LMBR1: variants seen among roughly 807,000 people sequenced by gnomAD.
The protein encoded by LMBR1 is limb region 1 protein homolog.
Under a neutral mutation model 73.9 loss-of-function variants are expected in LMBR1, and 52 were observed. The ratio of observed to expected loss-of-function variants is 0.70; its 90% CI spans 0.56 to 0.89. LMBR1 has a LOEUF of 0.89. LMBR1 is among the 40% of genes least tolerant of loss of function. The pLI is 0.00. For missense variants in LMBR1, 539 were observed against 579.8 expected (o/e 0.93, Z 0.72); for synonymous variants, 215 against 209.4 (o/e 1.03, Z -0.23).
intron 4 of LMBR1, among the ~76,000 whole-genome samples, chr7:156,798,883 T>TA (rs906863270): frequency 1.3e-5 from 2 of 151,928 alleles, no homozygotes; most frequent in Admixed American, 1.3e-4. Flanking sequence ...ATAGTCTTTT[T>TA]AAAAAAACAT....
chr7:156,848,120 T>C (rs367955937), intron 1 of LMBR1, among the ~76,000 whole-genome samples: 21 of 149,342 alleles, frequency 1.4e-4, no homozygotes, highest in East Asian at 5.8e-4. Flanking sequence ...CCTAAAACTA[T>C]AGAACTCTGG....
At chr7:156,826,524 T>A in intron 4 of LMBR1, 81 bp downstream of exon 4, 1 of 1,018,814 alleles carries the variant, frequency 9.8e-7, no homozygotes, top group Non-Finnish European at 1.3e-6. Context: ...TGAAGAAAAC[T>A]GAGAAAAGAA....
At chr7:156,709,881 G>T (rs1179835725) in intron 15 of LMBR1, among the ~76,000 whole-genome samples, 1 of 143,074 alleles carries the variant, frequency 7.0e-6, no homozygotes, top group Non-Finnish European at 1.5e-5. Flanking sequence ...GCCAGTTAAA[G>T]AATTCAGAAG....
intron 13 of LMBR1, 83 bp from the exon 14 acceptor site, chr7:156,725,608 A>G (rs1278460478): frequency 1.4e-5 from 17 of 1,242,468 alleles, no homozygotes; most frequent in Middle Eastern, 1.9e-4. Flanking sequence ...CTTAAGGCCC[A>G]TAGGAAAAGC....
intron 9 of LMBR1, among the ~76,000 whole-genome samples, chr7:156,755,267 A>G (rs1821649584): frequency 6.6e-6 from 1 of 152,262 alleles, no homozygotes; most frequent in African/African-American, 2.4e-5. Context: ...GAGGAGCCAA[A>G]GGATTTATAA....
At position 156,670,794 on chromosome 7, in the gene LMBR1, A is replaced by G. The variant is rs1802315773; in HGVS notation, n.867-1507T>C. On this transcript the variant is annotated intron_variant and non_coding_transcript_variant, in intron 4 of 4. Transcript: ENST00000430825. This position sits in a 1 kb window ranked among gnomAD's most constrained non-coding sequence, Gnocchi z 4.3. Reference sequence around the variant, plus strand: ...CGAGAGGCAAAAGAAAAGCCAGACAAAAAGTGTGCCACTAGAACGTCTTCG... The same window carrying G: ...CGAGAGGCAAAAGAAAAGCCAGACAGAAAGTGTGCCACTAGAACGTCTTCG... Among the ~76,000 whole-genome samples, 2 of 152,244 alleles carry G rather than the reference A, an allele frequency of 1.3e-5. No individual in the cohort carries two copies. Among genetic ancestry groups the G allele is most frequent in the Admixed American group, 1.3e-4 (2 of 15,290 alleles).
At chr7:156,734,062 G>T in intron 10 of LMBR1, 115 bp downstream of exon 10, 1 of 580,686 alleles carries the variant, frequency 1.7e-6, no homozygotes, top group Non-Finnish European at 3.0e-6. Context: ...ATTTTGGGCA[G>T]GTCAAAAGTT....
At chr7:156,696,099 A>T (rs1279053721) in intron 15 of LMBR1, among the ~76,000 whole-genome samples, 1 of 152,244 alleles carries the variant, frequency 6.6e-6, no homozygotes, top group African/African-American at 2.4e-5. Context: ...AACTAAATGT[A>T]TAAAACTTCT....
At chr7:156,709,993 C>G (rs189984912) in intron 15 of LMBR1, among the ~76,000 whole-genome samples, 1 of 149,800 alleles carries the variant, frequency 6.7e-6, no homozygotes, top group African/African-American at 2.5e-5. Flanking sequence ...CAAGCTCCAC[C>G]TCCCGGGTTC....
chr7:156,853,270 A>C (rs1406456332), intron 1 of LMBR1, among the ~76,000 whole-genome samples: 1 of 152,172 alleles, frequency 6.6e-6, no homozygotes, highest in South Asian at 2.1e-4. Flanking sequence ...GTAAGTTGCC[A>C]CAGTAGAAAA....
At chr7:156,792,319 T>G (rs1051459774) in intron 5 of LMBR1, among the ~76,000 whole-genome samples, 2 of 152,186 alleles carry the variant, frequency 1.3e-5, no homozygotes, top group South Asian at 4.1e-4. Flanking sequence ...TGGAACCTTT[T>G]TATCAGTTGA....
downstream of LMBR1, among the ~76,000 whole-genome samples, chr7:156,675,337 G>C (rs1803620496): frequency 6.6e-6 from 1 of 152,196 alleles, no homozygotes; most frequent in Non-Finnish European, 1.5e-5. Flanking sequence ...CCTCTCACAG[G>C]AGGGTCCTGT....
In LMBR1 at chr7:156,796,302, T is replaced by C. The variant is rs2133376728; in HGVS notation, c.423+87A>G. On this transcript the variant is annotated intron_variant, in intron 5 of 16. Coordinates refer to ENST00000353442, the MANE Select transcript of LMBR1 (RefSeq NM_022458.4). ...ACGCATTTTTTATATTCCATTTAAA[T>C]AATTTAAGTCTGCTTTTTCTAGTTC... 5 of 806,454 alleles carry C rather than the reference T, an allele frequency of 6.2e-6. No individual in the cohort carries two copies. In the East Asian group the frequency reaches 1.5e-4, roughly 24 times the overall value. 50.0% of individuals were successfully genotyped at this position (806,454 alleles called of 1,614,324 possible). A position where few individuals can be genotyped will look rare whatever the true frequency, so the allele number is the denominator to read the frequency against.
At chr7:156,676,755 G>C, downstream of LMBR1, 1 of 825,644 alleles carries the variant, frequency 1.2e-6, no homozygotes, top group Non-Finnish European at 2.0e-6. Context: ...AATGTAATCT[G>C]TTTCCCAGGG....
downstream of LMBR1, chr7:156,676,461 C>G: frequency 6.2e-7 from 1 of 1,614,078 alleles, no homozygotes; most frequent in Non-Finnish European, 8.5e-7. Context: ...CTGCCTGGCC[C>G]CTCTCTCCGC....
intron 15 of LMBR1, among the ~76,000 whole-genome samples, chr7:156,720,680 A>G (rs543054153): frequency 3.5e-4 from 52 of 147,930 alleles, no homozygotes; most frequent in Non-Finnish European, 6.3e-4. Flanking sequence ...AATAAAGTTA[A>G]TAATAATAAG....
At chr7:156,738,095 T>A (rs1263204660) in intron 9 of LMBR1, among the ~76,000 whole-genome samples, 2 of 152,186 alleles carry the variant, frequency 1.3e-5, no homozygotes, top group Non-Finnish European at 2.9e-5. Context: ...AAAGACAGCC[T>A]TGAACTGCCG....
chr7:156,775,758 T>C (rs1826019371), intron 5 of LMBR1, among the ~76,000 whole-genome samples: 1 of 152,196 alleles, frequency 6.6e-6, no homozygotes, highest in Non-Finnish European at 1.5e-5. Context: ...CCAACTAATG[T>C]TCTTTTTAAT....
chr7:156,737,604 C>T (rs1195547504), intron 9 of LMBR1, among the ~76,000 whole-genome samples: 1 of 152,142 alleles, frequency 6.6e-6, no homozygotes, highest in African/African-American at 2.4e-5. Flanking sequence ...TCCTATTTTA[C>T]CTATTTTTGC....
Sources: gnomAD v4.1 joint callset for allele counts (sites outside exome capture counted in the v4.1 genomes callset) on GRCh38, gnomAD v4.1.1 for gene constraint, Gnocchi (gnomAD v3.1) non-coding constraint, MANE v1.5 for transcripts, NCBI Gene and HGNC (gene_info 2026-07-23, HGNC 2026-07-21) for gene names.